Variants in DPYD observed in about 807,000 individuals in gnomAD.
The protein encoded by DPYD is dihydropyrimidine dehydrogenase, also known as dihydropyrimidine dehydrogenase [NADP(+)].
A neutral mutation model predicts 116.2 loss-of-function variants in DPYD; 109 were observed. The ratio of observed to expected loss-of-function variants is 0.94; its 90% CI spans 0.80 to 1.10. The LOEUF is 1.10. Among genes scored for constraint, DPYD ranks in the 50% least tolerant of loss-of-function variants. The probability of loss-of-function intolerance (pLI) is 0.00; values close to 1 mark genes in which losing one functional copy is unlikely to be tolerated. For synonymous variants in DPYD, 440 were observed against 432.0 expected (o/e 1.02, Z -0.23); for missense variants, 1,302 against 1,254.5 (o/e 1.04, Z -0.57).
intron 9 of DPYD, among the ~76,000 whole-genome samples, chr1:97,594,623 T>C (rs985115598): frequency 4.6e-5 from 7 of 152,142 alleles, no homozygotes; most frequent in African/African-American, 1.7e-4. Flanking sequence ...TTGGGGTGTA[T>C]AAAGTGATAG....
chr1:97,810,964 T>G (rs576774895), intron 3 of DPYD, among the ~76,000 whole-genome samples: 11 of 152,130 alleles, frequency 7.2e-5, no homozygotes, highest in Admixed American at 7.2e-4. Context: ...ACCCTCTGCG[T>G]TTTTCATATT....
At chr1:97,327,542 A>C (rs904607891) in intron 16 of DPYD, among the ~76,000 whole-genome samples, 1 of 152,040 alleles carries the variant, frequency 6.6e-6, no homozygotes, top group Non-Finnish European at 1.5e-5. Flanking sequence ...AATAAAATTA[A>C]AAAGGTCTAT....
At chr1:97,124,840 C>G (rs1193560338) in intron 20 of DPYD, among the ~76,000 whole-genome samples, 4 of 152,110 alleles carry the variant, frequency 2.6e-5, no homozygotes, top group Non-Finnish European at 5.9e-5. Context: ...AAGAAAGTCA[C>G]TTACTTCTTT....
intron 6 of DPYD, among the ~76,000 whole-genome samples, chr1:97,692,081 T>C (rs752901222): frequency 2.8e-4 from 43 of 152,198 alleles, no homozygotes; most frequent in Non-Finnish European, 4.9e-4. Context: ...TTCAATACTT[T>C]TAAGTTCAAT....
chr1:97,847,625 T>C (rs900889199), intron 2 of DPYD, among the ~76,000 whole-genome samples: 4 of 152,198 alleles, frequency 2.6e-5, no homozygotes, highest in Middle Eastern at 3.4e-3. Context: ...TAAAAAACAA[T>C]TCAATTATGT....
intron 11 of DPYD, among the ~76,000 whole-genome samples, chr1:97,571,179 G>GTTCCTC (rs1652870143): frequency 6.6e-6 from 1 of 151,962 alleles, no homozygotes; most frequent in Non-Finnish European, 1.5e-5. Flanking sequence ...ACTTTGGAAA[G>GTTCCTC]TAAAAAGCTA....
intron 8 of DPYD, among the ~76,000 whole-genome samples, chr1:97,673,797 G>A (rs1276846418): frequency 6.6e-6 from 1 of 152,060 alleles, no homozygotes; most frequent in Non-Finnish European, 1.5e-5. Flanking sequence ...ATCATCACAA[G>A]TAAAATAATT....
intron 18 of DPYD, among the ~76,000 whole-genome samples, chr1:97,241,421 C>G (rs1193174080): frequency 6.6e-6 from 1 of 151,906 alleles, no homozygotes; most frequent in Non-Finnish European, 1.5e-5. Context: ...CTATTTTGTA[C>G]ATAAAGGAAG....
chr1:97,151,698 A>T lies in DPYD; in HGVS notation c.2622+41371T>A, dbSNP rs552966870. ...CTCAAAAATAAAAAAATAAAAAAAT[A>T]AAAAAATTAAAAAATGAAAGAAAAG... On this transcript the variant is annotated intron_variant, in intron 20 of 22. Transcript: ENST00000370192. Among the ~76,000 whole-genome samples the T allele has an allele frequency of 1.2e-3, 189 of 152,040 alleles. 1 individual carries two copies. The highest frequency in any genetic ancestry group is 1.4e-3 in the East Asian group (7 of 5,174).
chr1:97,757,250 T>C (rs1285010871), intron 3 of DPYD, among the ~76,000 whole-genome samples: 12 of 152,166 alleles, frequency 7.9e-5, no homozygotes, highest in Non-Finnish European at 1.6e-4. Context: ...GCTTAAATCA[T>C]GATAGCACAG....
intron 12 of DPYD, among the ~76,000 whole-genome samples, chr1:97,532,790 T>A (rs1392325344): frequency 6.6e-6 from 1 of 151,990 alleles, no homozygotes; most frequent in African/African-American, 2.4e-5. Context: ...GTCAATTTTA[T>A]CTTTTGAAAA....
chr1:97,591,101 T>C (rs1288259204), intron 10 of DPYD, among the ~76,000 whole-genome samples: 1 of 152,210 alleles, frequency 6.6e-6, no homozygotes, highest in Admixed American at 6.5e-5. Context: ...GCATTTAGCT[T>C]GCCATGGAAT....
At chr1:97,229,233 G>A (rs993217146) in intron 19 of DPYD, among the ~76,000 whole-genome samples, 122 of 108,746 alleles carry the variant, frequency 1.1e-3, no homozygotes, top group East Asian at 1.3e-3. Context: ...AAAAAAAAAA[G>A]AATTTGATGG....
intron 18 of DPYD, among the ~76,000 whole-genome samples, chr1:97,294,512 T>C (rs775800366): frequency 2.8e-4 from 43 of 152,142 alleles, no homozygotes; most frequent in Non-Finnish European, 1.3e-4. Flanking sequence ...TCAGTTGAAA[T>C]TATAAAAGAG....
At chr1:97,364,423 A>G (rs1316234365) in intron 16 of DPYD, among the ~76,000 whole-genome samples, 3 of 152,192 alleles carry the variant, frequency 2.0e-5, no homozygotes, top group African/African-American at 4.8e-5. Flanking sequence ...CAAGCAATCA[A>G]TCCTAGAAAA....
At chr1:97,203,484 G>C (rs182880858) in intron 19 of DPYD, among the ~76,000 whole-genome samples, 270 of 149,908 alleles carry the variant, frequency 1.8e-3, no homozygotes, top group African/African-American at 6.4e-3. Context: ...GTTGTGGGGT[G>C]GGGGGAGGTG....
At chr1:97,596,401 T>C (rs1003106866) in intron 8 of DPYD, among the ~76,000 whole-genome samples, 45 of 152,192 alleles carry the variant, frequency 3.0e-4, no homozygotes, top group Non-Finnish European at 3.1e-4. Flanking sequence ...ATTAGTAAAT[T>C]CTTACCAAAA....
rs1665823783 is a variant in DPYD at position 97,287,843 on chromosome 1, T to C, written c.2299+17416A>G. Among the ~76,000 whole-genome samples the C allele has an allele frequency of 2.0e-5, 3 of 152,024 alleles. No homozygotes were observed. The South Asian group carries it at 6.2e-4, about 32-fold the overall frequency. ...CAGGTGCCATCTGTCACCCCTTTCT[T>C]TGACTAGGAAAGGGAACTCCCTAGC... On this transcript the variant is annotated intron_variant, in intron 18 of 22. Transcript: ENST00000370192.
At chr1:97,209,625 T>C (rs1659904471) in intron 19 of DPYD, among the ~76,000 whole-genome samples, 1 of 152,160 alleles carries the variant, frequency 6.6e-6, no homozygotes, top group Non-Finnish European at 1.5e-5. Context: ...TCATATTCAT[T>C]GCTACATCTG....
Sources: allele counts gnomAD v4.1 joint callset (sites outside exome capture counted in the v4.1 genomes callset), GRCh38; gene constraint gnomAD v4.1.1; transcripts MANE v1.5; gene names NCBI Gene and HGNC (gene_info 2026-07-23, HGNC 2026-07-21).